Variants in DAPK1 observed in about 807,000 individuals in gnomAD.
DAPK1 encodes death associated protein kinase 1, also known as death-associated protein kinase 1.
DAPK1 carries 56 observed loss-of-function variants against 144.9 expected under a neutral mutation model. The ratio of observed to expected loss-of-function variants is 0.39; its 90% CI spans 0.31 to 0.48. The LOEUF is 0.48. Among genes scored for constraint, DAPK1 ranks in the 20% least tolerant of loss-of-function variants. The pLI, the probability that DAPK1 is intolerant of heterozygous loss-of-function variation, is 0.95. For missense variants in DAPK1, 1,454 were observed against 1,875.4 expected (o/e 0.78, Z 4.15); for synonymous variants, 690 against 749.0 (o/e 0.92, Z 1.29).
At chr9:87,584,818 A>G (rs1455030826) in intron 2 of DAPK1, among the ~76,000 whole-genome samples, 2 of 152,130 alleles carry the variant, frequency 1.3e-5, no homozygotes, top group Non-Finnish European at 2.9e-5. Flanking sequence ...CTAGGACTAC[A>G]GTTGCCCGCC....
chr9:87,509,770 G>A (rs968827177), intron 2 of DAPK1, among the ~76,000 whole-genome samples: 1 of 152,230 alleles, frequency 6.6e-6, no homozygotes, highest in Non-Finnish European at 1.5e-5. Flanking sequence ...GAACTGCTGG[G>A]AGTGATGCCA....
chr9:87,601,169 A>C (rs982027594), intron 2 of DAPK1, among the ~76,000 whole-genome samples: 1 of 152,184 alleles, frequency 6.6e-6, no homozygotes, highest in Non-Finnish European at 1.5e-5. Flanking sequence ...GTCCAATTCA[A>C]ATTAGACCTC....
chr9:87,683,229 C>A (rs1238607720), intron 20 of DAPK1, among the ~76,000 whole-genome samples: 3 of 151,930 alleles, frequency 2.0e-5, no homozygotes, highest in African/African-American at 7.3e-5. Flanking sequence ...ACTACAGGTG[C>A]ATGCCACCAC....
rs567180719 is a variant in DAPK1, at chr9:87,498,883, C to T, written c.-108-87C>T. Reference sequence around the variant, plus strand: ...GCAGCTCCGGAGACCCGGTCTTCAGCGAGCGGGGTCTTAGCGCCGGGGAGG... The same window carrying T: ...GCAGCTCCGGAGACCCGGTCTTCAGTGAGCGGGGTCTTAGCGCCGGGGAGG... On this transcript the variant is annotated intron_variant, in intron 1 of 25. Coordinates refer to ENST00000408954, the MANE Select transcript of DAPK1 (RefSeq NM_004938.4). 91 of 526,312 alleles carry T rather than the reference C, an allele frequency of 1.7e-4. 2 individuals carry two copies. The South Asian group carries it at 2.4e-3, about 14-fold the overall frequency. The allele number at this position is 526,312 out of a possible 1,614,324, so 32.6% of individuals were successfully genotyped here.
intron 21 of DAPK1, among the ~76,000 whole-genome samples, chr9:87,693,977 G>C (rs1047344321): frequency 6.6e-6 from 1 of 152,124 alleles, no homozygotes; most frequent in African/African-American, 2.4e-5. Flanking sequence ...GAGCATGCCT[G>C]TCCTTGGGCC....
chr9:87,628,004 G>A (rs925636643), intron 3 of DAPK1, among the ~76,000 whole-genome samples: 2 of 152,136 alleles, frequency 1.3e-5, no homozygotes, highest in African/African-American at 4.8e-5. Context: ...CCTCTCTGAG[G>A]ACACAGAGCC....
At position 87,653,002 on chromosome 9, in the gene DAPK1, C is replaced by T. The variant is rs74673582; in HGVS notation, c.1824+1278C>T. Among the ~76,000 whole-genome samples the T allele has an allele frequency of 7.6e-4, 79 of 104,542 alleles. 1 individual carries two copies. Among genetic ancestry groups the T allele is most frequent in the East Asian group, 2.2e-3 (7 of 3,112 alleles). The allele number at this position is 104,542 out of a possible 152,430, so 68.6% of individuals were successfully genotyped here. ...GATTCTGTGTCCATCCCCCCGATCC[C>T]GGGTCCTGATTCTGTGTCCTCTCAC... On this transcript the variant is annotated intron_variant, in intron 17 of 25. Coordinates refer to ENST00000408954, the MANE Select transcript of DAPK1 (RefSeq NM_004938.4).
chr9:87,596,991 G>A (rs746826511), intron 2 of DAPK1, among the ~76,000 whole-genome samples: 14 of 152,232 alleles, frequency 9.2e-5, no homozygotes, highest in South Asian at 2.1e-4. Flanking sequence ...GCTCACGCAC[G>A]TGCCTGGCCT....
intron 2 of DAPK1, among the ~76,000 whole-genome samples, chr9:87,591,967 A>G (rs930536352): frequency 1.3e-5 from 2 of 152,178 alleles, no homozygotes; most frequent in Admixed American, 1.3e-4. Flanking sequence ...ATACACGTGT[A>G]ACTAGAGGCA....
At chr9:87,703,284 C>T (rs756503291) in intron 25 of DAPK1, 67 bp downstream of exon 25, 107 of 895,334 alleles carry the variant, frequency 1.2e-4, no homozygotes, top group Non-Finnish European at 1.8e-4. Flanking sequence ...TCCCAAATTC[C>T]AGCTCTTGGA....
chr9:87,530,962 G>A (rs1825677687), intron 2 of DAPK1, among the ~76,000 whole-genome samples: 1 of 152,136 alleles, frequency 6.6e-6, no homozygotes, highest in South Asian at 2.1e-4. Flanking sequence ...GCAGCTGTGA[G>A]CCGAGCATTA....
rs1315918394 is a variant in DAPK1 at position 87,638,160 on chromosome 9, G to A, written c.423+79G>A. Reference sequence around the variant, plus strand: ...TGTTTCTCTGCTAAGAAAAATTGAGGCATCTGAAAGAGTTACATGATTTTC... The same window carrying A: ...TGTTTCTCTGCTAAGAAAAATTGAGACATCTGAAAGAGTTACATGATTTTC... On this transcript the variant is annotated intron_variant, in intron 4 of 25. Coordinates refer to ENST00000408954, the MANE Select transcript of DAPK1 (RefSeq NM_004938.4). 33 of 1,408,334 alleles carry A rather than the reference G, an allele frequency of 2.3e-5. No homozygotes were observed. The Admixed American group carries it at 6.5e-4, about 28-fold the overall frequency. The allele number at this position is 1,408,334 out of a possible 1,614,324, so 87.2% of individuals were successfully genotyped here.
At chr9:87,518,808 C>T (rs1331313638) in intron 2 of DAPK1, among the ~76,000 whole-genome samples, 3 of 152,056 alleles carry the variant, frequency 2.0e-5, no homozygotes, top group East Asian at 1.9e-4. Context: ...AGAGTCTGGC[C>T]CGCGCCCAGT....
chr9:87,633,154 G>T (rs1399775674), intron 3 of DAPK1: 4 of 982,974 alleles, frequency 4.1e-6, no homozygotes, highest in Non-Finnish European at 4.8e-6. Flanking sequence ...GATGAAGGAG[G>T]ATGAGTATAT....
intron 2 of DAPK1, among the ~76,000 whole-genome samples, chr9:87,567,393 G>A (rs778167178): frequency 6.6e-6 from 1 of 152,160 alleles, no homozygotes; most frequent in Non-Finnish European, 1.5e-5. Flanking sequence ...GGGGGAATGG[G>A]GGTAGGGAAG....
chr9:87,669,157 T>C, intron 19 of DAPK1, among the ~76,000 whole-genome samples: 1 of 152,200 alleles, frequency 6.6e-6, no homozygotes, highest in Admixed American at 6.5e-5. Flanking sequence ...TACCCTTTAA[T>C]CTAGGAACTC....
chr9:87,676,383 G>A (rs1008552900), intron 19 of DAPK1, among the ~76,000 whole-genome samples: 2 of 152,190 alleles, frequency 1.3e-5, no homozygotes, highest in African/African-American at 2.4e-5. Flanking sequence ...CCCAGGGAGA[G>A]GCCTCTGCGC....
chr9:87,579,664 C>A (rs991901093), intron 2 of DAPK1, among the ~76,000 whole-genome samples: 3 of 152,148 alleles, frequency 2.0e-5, no homozygotes, highest in African/African-American at 7.2e-5. Context: ...ACTCTGGCCA[C>A]ACATTTACAC....
intron 2 of DAPK1, among the ~76,000 whole-genome samples, chr9:87,579,117 C>A (rs570521968): frequency 6.6e-6 from 1 of 152,282 alleles, no homozygotes; most frequent in African/African-American, 2.4e-5. Flanking sequence ...ATAATCTATT[C>A]CAAGGTGAGA....
Sources: gnomAD v4.1 joint callset for allele counts (sites outside exome capture counted in the v4.1 genomes callset) on GRCh38, gnomAD v4.1.1 for gene constraint, MANE v1.5 for transcripts, NCBI Gene and HGNC (gene_info 2026-07-23, HGNC 2026-07-21) for gene names.